PDSS2: variants seen among roughly 807,000 people sequenced by gnomAD.
PDSS2 encodes decaprenyl diphosphate synthase subunit 2.
Under a neutral mutation model 44.5 loss-of-function variants are expected in PDSS2, and 31 were observed. The observed-to-expected ratio is 0.70, with a 90% CI of 0.52 to 0.94. The LOEUF is 0.94. Among genes scored for constraint, PDSS2 ranks in the 40% least tolerant of loss-of-function variants. The pLI, the probability that PDSS2 is intolerant of heterozygous loss-of-function variation, is 0.00. For missense variants in PDSS2, 452 were observed against 482.2 expected, an observed-to-expected ratio of 0.94 and a Z score of 0.59; for synonymous variants, 157 against 180.3, an observed-to-expected ratio of 0.87 and a Z score of 1.03.
intron 1 of PDSS2, among the ~76,000 whole-genome samples, chr6:107,370,053 A>G (rs1779085088): frequency 1.3e-5 from 2 of 152,154 alleles, no homozygotes; most frequent in Admixed American, 1.3e-4. Context: ...CATGAGAAAC[A>G]GTTTTCCCAA....
intron 7 of PDSS2, among the ~76,000 whole-genome samples, chr6:107,160,593 C>T (rs1415818060): frequency 1.3e-5 from 2 of 151,942 alleles, no homozygotes; most frequent in Non-Finnish European, 2.9e-5. Flanking sequence ...CTCAAATGAT[C>T]CTCCTGCCCC....
At chr6:107,440,835 A>G (rs936017712) in intron 1 of PDSS2, among the ~76,000 whole-genome samples, 4 of 152,372 alleles carry the variant, frequency 2.6e-5, no homozygotes, top group Non-Finnish European at 2.9e-5. Flanking sequence ...ATAATAAACT[A>G]TAATGAAAGA....
chr6:107,342,738 A>G (rs1778119096), intron 1 of PDSS2, among the ~76,000 whole-genome samples: 1 of 152,196 alleles, frequency 6.6e-6, no homozygotes. Flanking sequence ...AAAAATTTTG[A>G]GATTTATGAA....
intron 1 of PDSS2, among the ~76,000 whole-genome samples, chr6:107,360,602 A>G (rs981956867): frequency 3.3e-5 from 5 of 152,266 alleles, no homozygotes; most frequent in East Asian, 1.9e-4. Flanking sequence ...ATAACTGATG[A>G]ATTTCGAAAT....
At chr6:107,178,075 G>A (rs1771855707) in intron 7 of PDSS2, among the ~76,000 whole-genome samples, 1 of 151,998 alleles carries the variant, frequency 6.6e-6, no homozygotes, top group African/African-American at 2.4e-5. Flanking sequence ...CTGATACCTA[G>A]GGACCACTTG....
At chr6:107,421,825 C>T (rs1291002108) in intron 1 of PDSS2, among the ~76,000 whole-genome samples, 2 of 151,290 alleles carry the variant, frequency 1.3e-5, no homozygotes, top group African/African-American at 4.9e-5. Flanking sequence ...CACACACACA[C>T]ACACACACAC....
Position 107,225,139 on chromosome 6 carries a change from A to ATATATATATATATATATT in PDSS2, c.703-12858_703-12857insAATATATATATATATATA, listed in dbSNP as rs1293353503. On this transcript the variant is annotated intron_variant, in intron 4 of 7. Transcript: ENST00000369037. ...GAAGCTTCACTATATATATATTTTTATATATATATATATATATATATATTT... is the reference window on the plus strand; with the variant it reads ...GAAGCTTCACTATATATATATTTTTATATATATATATATATATTTATATATATATATATATATATATTT... Among the ~76,000 whole-genome samples, 47 of 35,520 alleles carry ATATATATATATATATATT rather than the reference A, an allele frequency of 1.3e-3. 12 individuals carry two copies. The highest frequency in any genetic ancestry group is 6.8e-3 in the East Asian group (11 of 1,608). 23.3% of individuals were successfully genotyped at this position (35,520 alleles called of 152,430 possible). A position where few individuals can be genotyped will look rare whatever the true frequency, so the allele number is the denominator to read the frequency against.
chr6:107,429,486 G>A (rs1781103296), intron 1 of PDSS2, among the ~76,000 whole-genome samples: 1 of 152,132 alleles, frequency 6.6e-6, no homozygotes, highest in African/African-American at 2.4e-5. Context: ...GGACACTACT[G>A]TATCTAAACA....
At chr6:107,371,833 C>G (rs747516076) in intron 1 of PDSS2, among the ~76,000 whole-genome samples, 3 of 152,154 alleles carry the variant, frequency 2.0e-5, no homozygotes, top group Non-Finnish European at 4.4e-5. Context: ...GGCCTAATAG[C>G]TGTTGAGTTC....
rs570935602 is a variant in PDSS2 at position 107,355,167 on chromosome 6, C to A, written c.297-20835G>T. Among the ~76,000 whole-genome samples, 7 of 152,320 alleles carry A rather than the reference C, an allele frequency of 4.6e-5. No homozygotes were observed. The South Asian group carries it at 1.5e-3, about 32-fold the overall frequency. ...ATCTCTTGACCTTGTGATCTGCCCA[C>A]CTCAGCCTCCCAAAGTGCTGGGATT... On this transcript the variant is annotated intron_variant, in intron 1 of 7. Coordinates refer to ENST00000369037, the MANE Select transcript of PDSS2 (RefSeq NM_020381.4).
At chr6:107,348,327 A>G (rs1778319867) in intron 1 of PDSS2, among the ~76,000 whole-genome samples, 1 of 152,246 alleles carries the variant, frequency 6.6e-6, no homozygotes, top group Non-Finnish European at 1.5e-5. Flanking sequence ...AAAGCAAGTG[A>G]AAGAATCAGA....
chr6:107,404,483 C>T (rs1171915443), intron 1 of PDSS2, among the ~76,000 whole-genome samples: 2 of 152,124 alleles, frequency 1.3e-5, no homozygotes, highest in African/African-American at 2.4e-5. Context: ...ATATCTGAGA[C>T]TGGATAATTT....
chr6:107,207,214 G>A (rs1235517341), intron 6 of PDSS2, among the ~76,000 whole-genome samples: 1 of 151,864 alleles, frequency 6.6e-6, no homozygotes. Context: ...GGATGGTCTC[G>A]ATTTCCTGAC....
intron 2 of PDSS2, among the ~76,000 whole-genome samples, chr6:107,309,549 T>C (rs981766025): frequency 6.6e-6 from 1 of 152,300 alleles, no homozygotes; most frequent in Non-Finnish European, 1.5e-5. Context: ...GCCTTCTCTA[T>C]GAAAAAGACT....
rs1772799309 is a variant in PDSS2 at position 107,202,154 on chromosome 6, T to C, written c.1008+8285A>G. 2.0e-5 allele frequency among the ~76,000 whole-genome samples: 3 copies of C among 152,214 alleles called. No individual in the cohort carries two copies. In the South Asian group the frequency reaches 6.2e-4, roughly 31 times the overall value. On this transcript the variant is annotated intron_variant, in intron 6 of 7. Coordinates refer to ENST00000369037, the MANE Select transcript of PDSS2 (RefSeq NM_020381.4). ...CCTGGACTCAAGAGATTCTCTAGCC[T>C]CAGCCTCCTGAATAGCTGGGATTAC... is the stretch of plus-strand genomic sequence containing the variant.
intron 1 of PDSS2, among the ~76,000 whole-genome samples, chr6:107,335,080 GTT>G (rs1184621616): frequency 6.6e-6 from 1 of 150,910 alleles, no homozygotes; most frequent in Admixed American, 6.6e-5. Flanking sequence ...TGAGCCCAGG[GTT>G]GGGGGGGTGC....
intron 4 of PDSS2, among the ~76,000 whole-genome samples, chr6:107,222,335 A>G (rs763750797): frequency 2.6e-5 from 4 of 152,164 alleles, no homozygotes; most frequent in Non-Finnish European, 4.4e-5. Context: ...GCCCTCAGAA[A>G]TATTAATTAT....
chr6:107,287,223 T>C (rs1270649570), intron 2 of PDSS2, among the ~76,000 whole-genome samples: 2 of 152,144 alleles, frequency 1.3e-5, no homozygotes, highest in Non-Finnish European at 2.9e-5. Flanking sequence ...ATTTGGCAAA[T>C]AGCATTTCCA....
chr6:107,197,074 A>T (rs2114547242), intron 6 of PDSS2, among the ~76,000 whole-genome samples: 1 of 152,296 alleles, frequency 6.6e-6, no homozygotes, highest in African/African-American at 2.4e-5. Context: ...GGTAAGTATA[A>T]GTGTTTCTGT....
Sources: gnomAD v4.1 joint callset for allele counts (sites outside exome capture counted in the v4.1 genomes callset) on GRCh38, gnomAD v4.1.1 for gene constraint, MANE v1.5 for transcripts, NCBI Gene and HGNC (gene_info 2026-07-23, HGNC 2026-07-21) for gene names.